Variants in FOXP1 observed in about 807,000 individuals in gnomAD.
FOXP1 encodes forkhead box P1.
Under a neutral mutation model 98.2 loss-of-function variants are expected in FOXP1, and 15 were observed. That is an observed-to-expected ratio of 0.15 (90% CI 0.10 to 0.24). The LOEUF (loss-of-function observed/expected upper bound fraction) is 0.24. FOXP1 is among the 10% of genes least tolerant of loss of function. The pLI, the probability that FOXP1 is intolerant of heterozygous loss-of-function variation, is 1.00. For missense variants in FOXP1, 633 were observed against 848.5 expected, an observed-to-expected ratio of 0.75 and a Z score of 3.15; for synonymous variants, 371 against 314.5, an observed-to-expected ratio of 1.18 and a Z score of -1.90.
At chr3:71,377,418 G>T (rs1230936352) in intron 3 of FOXP1, among the ~76,000 whole-genome samples, 1 of 152,054 alleles carries the variant, frequency 6.6e-6, no homozygotes, top group Non-Finnish European at 1.5e-5. Context: ...GCTACACTAA[G>T]AACTATTTTT....
intron 7 of FOXP1, among the ~76,000 whole-genome samples, chr3:71,091,320 T>A (rs2055815910): frequency 6.6e-6 from 1 of 151,700 alleles, no homozygotes; most frequent in African/African-American, 2.4e-5. Flanking sequence ...AGAAACCCCG[T>A]CTCTACTAAA....
chr3:70,998,239 T>C (rs1204737298), intron 13 of FOXP1, among the ~76,000 whole-genome samples: 1 of 152,214 alleles, frequency 6.6e-6, no homozygotes, highest in Non-Finnish European at 1.5e-5. Context: ...TCTCCTACTG[T>C]AGTGCAAAAG....
chr3:71,154,670 A>T (rs754736816), intron 6 of FOXP1, among the ~76,000 whole-genome samples: 11 of 152,190 alleles, frequency 7.2e-5, no homozygotes, highest in Non-Finnish European at 1.3e-4. Flanking sequence ...TGGGCAAGTC[A>T]CCTAACCTTG....
chr3:71,177,296 A>G (rs1204068411), intron 6 of FOXP1, among the ~76,000 whole-genome samples: 1 of 152,218 alleles, frequency 6.6e-6, no homozygotes, highest in African/African-American at 2.4e-5. Flanking sequence ...TACATCTGCT[A>G]CAAATAAGGG....
intron 3 of FOXP1, among the ~76,000 whole-genome samples, chr3:71,466,020 G>A (rs2088691057): frequency 6.6e-6 from 1 of 152,178 alleles, no homozygotes; most frequent in African/African-American, 2.4e-5. Flanking sequence ...TGTCTTCCAT[G>A]AAACAAGTCC....
At chr3:71,272,368 C>T (rs370187511) in intron 5 of FOXP1, among the ~76,000 whole-genome samples, 253 of 152,240 alleles carry the variant, frequency 1.7e-3, no homozygotes, top group South Asian at 3.9e-3. Context: ...CCTGAGGCTC[C>T]GTGTAGAATT....
intron 7 of FOXP1, among the ~76,000 whole-genome samples, chr3:71,089,913 G>T (rs952430837): frequency 1.3e-5 from 2 of 152,176 alleles, no homozygotes; most frequent in African/African-American, 4.8e-5. Flanking sequence ...TGGCAAAGTG[G>T]GAATGGGCAG....
chr3:71,463,820 C>G (rs34426523), intron 3 of FOXP1, among the ~76,000 whole-genome samples: 1 of 152,150 alleles, frequency 6.6e-6, no homozygotes, highest in Non-Finnish European at 1.5e-5. Flanking sequence ...AAGAACAGCA[C>G]CTGCAGAGGC....
At chr3:71,553,808 T>C (rs2045937419) in intron 2 of FOXP1, among the ~76,000 whole-genome samples, 2 of 152,234 alleles carry the variant, frequency 1.3e-5, no homozygotes, top group African/African-American at 4.8e-5. Context: ...ATAGCTCAAG[T>C]ACTTATTTGT....
At chr3:71,314,945 T>C (rs967797059) in intron 4 of FOXP1, among the ~76,000 whole-genome samples, 1 of 152,082 alleles carries the variant, frequency 6.6e-6, no homozygotes, top group Non-Finnish European at 1.5e-5. Context: ...ATTTTTTAAA[T>C]GCCTTTCAGC....
chr3:71,401,946 TCACCCCTATCCC>T (rs1233746500), intron 3 of FOXP1, among the ~76,000 whole-genome samples: 1 of 152,130 alleles, frequency 6.6e-6, no homozygotes, highest in African/African-American at 2.4e-5. Flanking sequence ...GAGTTATCCC[TCACCCCTATCCC>T]CACCCCTATC....
At chr3:71,260,974 T>C (rs2069086816) in intron 5 of FOXP1, among the ~76,000 whole-genome samples, 1 of 152,180 alleles carries the variant, frequency 6.6e-6, no homozygotes, top group South Asian at 2.1e-4. Context: ...TTCTCCTAAA[T>C]GCAAATTGCT....
chr3:71,273,620 T>G (rs1426710714), intron 5 of FOXP1, among the ~76,000 whole-genome samples: 5 of 152,284 alleles, frequency 3.3e-5, no homozygotes, highest in South Asian at 4.1e-4. Context: ...GATGACAAAG[T>G]CTGTCCTTGG....
chr3:71,119,440 G>A (rs190999633), intron 6 of FOXP1, among the ~76,000 whole-genome samples: 1 of 152,130 alleles, frequency 6.6e-6, no homozygotes, highest in Non-Finnish European at 1.5e-5. Context: ...GATCAAACCT[G>A]TTTTTCAGAT....
intron 7 of FOXP1, among the ~76,000 whole-genome samples, chr3:71,069,708 C>T (rs1180716652): frequency 6.6e-6 from 1 of 152,200 alleles, no homozygotes; most frequent in African/African-American, 2.4e-5. Context: ...TTGGCCCACC[C>T]ACAGGCAAAC....
At chr3:71,184,079 G>C (rs1466699157) in intron 6 of FOXP1, among the ~76,000 whole-genome samples, 1 of 152,164 alleles carries the variant, frequency 6.6e-6, no homozygotes. Flanking sequence ...TTGAACCTGG[G>C]AGGCGGAGGT....
chr3:71,006,622 T>C (rs183616612), intron 12 of FOXP1, among the ~76,000 whole-genome samples: 53 of 152,258 alleles, frequency 3.5e-4, no homozygotes, highest in African/African-American at 1.2e-3. Flanking sequence ...TCAATAAAAG[T>C]ATGGAGCAAA....
intron 3 of FOXP1, among the ~76,000 whole-genome samples, chr3:71,427,060 C>CA (rs1280211071): frequency 0.042 from 4,372 of 103,520 alleles, 148 homozygotes; most frequent in African/African-American, 0.1. Flanking sequence ...GACTCCATCT[C>CA]AAAAAAAAAA....
intron 12 of FOXP1, among the ~76,000 whole-genome samples, chr3:71,010,380 G>T (rs2043411726): frequency 6.6e-6 from 1 of 151,974 alleles, no homozygotes; most frequent in Non-Finnish European, 1.5e-5. Context: ...AACCTCTCTG[G>T]GCATTAGTTT....
Sources: allele counts gnomAD v4.1 joint callset (sites outside exome capture counted in the v4.1 genomes callset), GRCh38; gene constraint gnomAD v4.1.1; transcripts MANE v1.5; gene names NCBI Gene and HGNC (gene_info 2026-07-23, HGNC 2026-07-21).